Variants in DCDC2C observed in about 807,000 individuals in gnomAD.
DCDC2C encodes doublecortin domain-containing protein 2C.
In DCDC2C, 44 loss-of-function variants were observed where a neutral mutation model predicts 45.0. That is an observed-to-expected ratio of 0.98 (90% CI 0.77 to 1.26). The LOEUF is 1.26. Ranked by LOEUF, DCDC2C falls within the 50% of genes most tolerant of loss-of-function variation. DCDC2C has a pLI of 0.00. For missense variants in DCDC2C, 447 were observed against 468.9 expected, an observed-to-expected ratio of 0.95 and a Z score of 0.43; for synonymous variants, 187 against 178.8, an observed-to-expected ratio of 1.05 and a Z score of -0.37.
At chr2:3,815,775 C>T (rs1004342368) in intron 10 of DCDC2C, among the ~76,000 whole-genome samples, 5 of 152,050 alleles carry the variant, frequency 3.3e-5, no homozygotes, top group African/African-American at 1.2e-4. Flanking sequence ...AGCTTCTGAG[C>T]CAGGAGAAGG....
In DCDC2C at chr2:3,734,177, G is replaced by A. The variant is rs1668956264; in HGVS notation, c.416+7098G>A. Among the ~76,000 whole-genome samples the A allele has an allele frequency of 6.6e-6, 1 of 152,208 alleles. No homozygotes were observed. The highest frequency in any genetic ancestry group is 1.5e-5 in the Non-Finnish European group (1 of 68,038). The stretch of plus-strand genomic sequence containing the variant: ...AGGCATGGCGGCTGTCAGCGTGGAT[G>A]TTTCACCTTCATTTCTTCTGTCTTC... On this transcript the variant is annotated intron_variant, in intron 3 of 10. Coordinates refer to ENST00000399143, the MANE Select transcript of DCDC2C (RefSeq NM_001287444.2). The surrounding 1 kb of genome is among the most constrained non-coding windows in gnomAD (Gnocchi z 4.2).
In DCDC2C at chr2:3,734,136, T is replaced by G. The variant is rs1319879548; in HGVS notation, c.416+7057T>G. On this transcript the variant is annotated intron_variant, in intron 3 of 10. Transcript: ENST00000399143. The surrounding 1 kb of genome is among the most constrained non-coding windows in gnomAD (Gnocchi z 4.2). ...CCCCCATTTCCGTGGCACACCAACA[T>G]CACGTACTGCCCCAAAGGCATGGCG... 1.3e-5 allele frequency among the ~76,000 whole-genome samples: 2 copies of G among 152,202 alleles called. No homozygotes were observed. Among genetic ancestry groups the G allele is most frequent in the Admixed American group, 6.5e-5 (1 of 15,284 alleles).
At chr2:3,822,280 C>T (rs1366115117) in intron 10 of DCDC2C, among the ~76,000 whole-genome samples, 1 of 152,122 alleles carries the variant, frequency 6.6e-6, no homozygotes, top group East Asian at 1.9e-4. Context: ...TTTTTGATTA[C>T]TAATTCAGTC....
chr2:3,711,170 G>C (rs956963798), intron 2 of DCDC2C, among the ~76,000 whole-genome samples: 4 of 152,222 alleles, frequency 2.6e-5, no homozygotes, highest in Non-Finnish European at 4.4e-5. Context: ...TGGAGAAAGA[G>C]AACACTTTTA....
intron 2 of DCDC2C, among the ~76,000 whole-genome samples, chr2:3,726,317 C>T (rs1473935477): frequency 6.6e-6 from 1 of 152,078 alleles, no homozygotes; most frequent in Non-Finnish European, 1.5e-5. Flanking sequence ...GTTAACATCC[C>T]TTCCCAATCA....
intron 10 of DCDC2C, among the ~76,000 whole-genome samples, chr2:3,801,204 G>A (rs972755010): frequency 6.6e-6 from 1 of 152,238 alleles, no homozygotes. Flanking sequence ...AGTTCCTCAA[G>A]CTCTTGCTAA....
chr2:3,789,634 G>A (rs778747178), intron 10 of DCDC2C, among the ~76,000 whole-genome samples: 3 of 152,150 alleles, frequency 2.0e-5, no homozygotes, highest in Non-Finnish European at 2.9e-5. Flanking sequence ...ACTCTCCATT[G>A]GATGGTTAAT....
At chr2:3,823,103 A>G (rs58005432) in intron 10 of DCDC2C, among the ~76,000 whole-genome samples, 4,992 of 152,290 alleles carry the variant, frequency 0.033, 280 homozygotes, top group African/African-American at 0.11. Flanking sequence ...CTTTATCAGC[A>G]GCATGAAAAC....
intron 3 of DCDC2C, among the ~76,000 whole-genome samples, chr2:3,727,759 T>C (rs949746774): frequency 1.3e-5 from 2 of 152,232 alleles, no homozygotes; most frequent in Admixed American, 1.3e-4. Context: ...CGGCTTTTCG[T>C]CTTATCAGCT....
chr2:3,715,054 A>C (rs1057381041), intron 2 of DCDC2C, among the ~76,000 whole-genome samples: 2 of 152,228 alleles, frequency 1.3e-5, no homozygotes, highest in African/African-American at 4.8e-5. Context: ...ACATGTACAC[A>C]TATACCTACA....
intron 10 of DCDC2C, among the ~76,000 whole-genome samples, chr2:3,832,278 A>G (rs992590331): frequency 2.0e-5 from 3 of 152,240 alleles, no homozygotes; most frequent in African/African-American, 7.2e-5. Context: ...ATTCAAAAGT[A>G]GACTCCAATA....
rs1667956812 is a variant in DCDC2C at position 3,704,050 on chromosome 2, C to G, written c.287+12C>G. 6 of 1,249,350 alleles carry G rather than the reference C, an allele frequency of 4.8e-6. No individual in the cohort carries two copies. The South Asian group carries it at 1.9e-4, about 40-fold the overall frequency. The allele number at this position is 1,249,350 out of a possible 1,614,324, so 77.4% of individuals were successfully genotyped here. ...TTCAAGGAGCTCGAGTAAGTGCGCC[C>G]GCGCCCCCCACGCGCCCTGCGCCCC... On this transcript the variant is annotated intron_variant, in intron 1 of 10. Coordinates refer to ENST00000399143, the MANE Select transcript of DCDC2C (RefSeq NM_001287444.2).
chr2:3,828,633 G>C (rs1431205476), intron 10 of DCDC2C, among the ~76,000 whole-genome samples: 3 of 152,236 alleles, frequency 2.0e-5, no homozygotes, highest in Admixed American at 6.5e-5. Flanking sequence ...ATTTATTTGG[G>C]AGGAGGGAAT....
intron 2 of DCDC2C, among the ~76,000 whole-genome samples, chr2:3,725,320 T>A (rs1405515061): frequency 6.6e-6 from 1 of 151,910 alleles, no homozygotes; most frequent in African/African-American, 2.4e-5. Flanking sequence ...GAGACCCTCG[T>A]TGTGCAGCAG....
At chr2:3,830,794 A>C (rs1311075365) in intron 10 of DCDC2C, among the ~76,000 whole-genome samples, 1 of 152,206 alleles carries the variant, frequency 6.6e-6, no homozygotes, top group Non-Finnish European at 1.5e-5. Flanking sequence ...AACAAGATCC[A>C]AACAATTCTA....
At chr2:3,767,246 A>T (rs1406791106) in intron 6 of DCDC2C, among the ~76,000 whole-genome samples, 1 of 152,230 alleles carries the variant, frequency 6.6e-6, no homozygotes, top group Non-Finnish European at 1.5e-5. Flanking sequence ...TTGTTTACAG[A>T]TTAAAAAACA....
intron 5 of DCDC2C, among the ~76,000 whole-genome samples, chr2:3,753,482 C>T (rs76937377): frequency 0.01 from 1,590 of 152,252 alleles, 12 homozygotes; most frequent in Non-Finnish European, 0.017. Flanking sequence ...TTAGCCCTGA[C>T]GGGTGTGTTT....
chr2:3,758,492 G>A lies in DCDC2C; in HGVS notation c.726+3858G>A, dbSNP rs559223293. On this transcript the variant is annotated intron_variant, in intron 6 of 10. Transcript: ENST00000399143. ...GAAAGACCTAAAAGTAGAACATCAC[G>A]ATGCAAATTTGCTATCAATTGAGTA... 3.1e-3 allele frequency among the ~76,000 whole-genome samples: 466 copies of A among 152,274 alleles called. 1 individual carries two copies. The highest frequency in any genetic ancestry group is 0.01 in the African/African-American group (434 of 41,552).
At chr2:3,823,419 T>A (rs559703026) in intron 10 of DCDC2C, among the ~76,000 whole-genome samples, 2 of 152,238 alleles carry the variant, frequency 1.3e-5, no homozygotes, top group African/African-American at 2.4e-5. Context: ...ATGTTCTCTA[T>A]GCACTTGAGA....
Sources: allele counts gnomAD v4.1 joint callset (sites outside exome capture counted in the v4.1 genomes callset), GRCh38; gene constraint gnomAD v4.1.1; non-coding constraint Gnocchi (gnomAD v3.1); transcripts MANE v1.5; gene names NCBI Gene and HGNC (gene_info 2026-07-23, HGNC 2026-07-21).